The following KDM2B variants were observed in gnomAD, a reference collection of about 807,000 sequenced individuals.
The protein encoded by KDM2B is lysine-specific demethylase 2B.
A neutral mutation model predicts 150.0 loss-of-function variants in KDM2B; 26 were observed. The ratio of observed to expected loss-of-function variants is 0.17; its 90% CI spans 0.13 to 0.24. The LOEUF is 0.24. Ranked by LOEUF, KDM2B falls within the 10% of genes least tolerant of loss-of-function variation. The pLI is 1.00. For missense variants in KDM2B, 1,265 were observed against 1,816.9 expected (o/e 0.70, Z 5.52); for synonymous variants, 734 against 729.5 (o/e 1.01, Z -0.10).
intron 11 of KDM2B, among the ~76,000 whole-genome samples, chr12:121,501,993 G>A (rs1884610236): frequency 6.6e-6 from 1 of 152,124 alleles, no homozygotes; most frequent in Admixed American, 6.6e-5. Flanking sequence ...CTACATGTCA[G>A]TAAGACCCAG....
intron 12 of KDM2B, among the ~76,000 whole-genome samples, chr12:121,461,237 A>C (rs1879077468): frequency 6.6e-6 from 1 of 152,152 alleles, no homozygotes. Flanking sequence ...AGAGATGTGA[A>C]ACTGCGTGAC....
At chr12:121,580,007 A>G in intron 1 of KDM2B, 1 of 1,570,092 alleles carries the variant, frequency 6.4e-7, no homozygotes, top group Non-Finnish European at 8.5e-7. Context: ...AAAAAAAAAA[A>G]AAAGCTACAC....
At position 121,509,587 on chromosome 12, in the gene KDM2B, C is replaced by T. The variant is rs782775129; in HGVS notation, c.1627G>A (p.Ala543Thr). 24 of 1,613,506 alleles carry T rather than the reference C, an allele frequency of 1.5e-5. No individual in the cohort carries two copies. Among genetic ancestry groups the T allele is most frequent in the Non-Finnish European group, 2.0e-5 (24 of 1,179,978 alleles). Residue 543 changes from alanine to threonine, a missense_variant, in exon 11 of 23, where the codon GCA becomes ACA. By Grantham distance (58) the Ala-to-Thr change is moderately conservative (BLOSUM62 0). Transcript: ENST00000377071. ...CCCACCTTCACACCCTCCAGGAGTG[C>T]CTGGGGGTCCTCGATGCCCTCGGGG... ...CVPEGIEDPQ[A>T]LLEGVKNVLK...
intron 12 of KDM2B, among the ~76,000 whole-genome samples, chr12:121,463,765 G>T (rs1279497624): frequency 6.6e-6 from 1 of 152,132 alleles, no homozygotes; most frequent in Non-Finnish European, 1.5e-5. Context: ...CTTTTTTGTA[G>T]ATGGGATTTC....
chr12:121,499,756 T>C (rs1265039448), intron 11 of KDM2B, among the ~76,000 whole-genome samples: 3 of 151,842 alleles, frequency 2.0e-5, no homozygotes, highest in African/African-American at 7.3e-5. Flanking sequence ...AAGACAAGCC[T>C]GTCCAACATA....
chr12:121,532,926 A>G lies in KDM2B; in HGVS notation c.811T>C (p.Leu271=). The G allele has an allele frequency of 6.2e-7, 1 of 1,614,214 alleles. No individual in the cohort carries two copies. The highest frequency in any genetic ancestry group is 8.5e-7 in the Non-Finnish European group (1 of 1,180,038). ...AGCACCCACTCCTCGTACAGCGCCA[A>G]ATTGTGCAGCGTTGGAGGAATCAGC... ...FWLIPPTLHN[L]ALYEEWVLSG... is the part of the protein sequence containing the mutation. The change falls in exon 8 of 23, where the codon TTG becomes CTG. Residue 271 remains leucine, a synonymous_variant. Coordinates refer to ENST00000377071, the MANE Select transcript of KDM2B (RefSeq NM_032590.5).
rs1238731372 is a variant in KDM2B at position 121,520,110 on chromosome 12, C to T, written c.1047+875G>A. On this transcript the variant is annotated intron_variant, in intron 9 of 22. Coordinates refer to ENST00000377071, the MANE Select transcript of KDM2B (RefSeq NM_032590.5). This position sits in a 1 kb window ranked among gnomAD's most constrained non-coding sequence, Gnocchi z 4.5. ...TTCATCATGTTGGCCTGGCTGGTCT[C>T]GAACTCCTGACCTCAAGTGATCCAC... Among the ~76,000 whole-genome samples, 1 of 152,108 alleles carries T rather than the reference C, an allele frequency of 6.6e-6. No individual in the cohort carries two copies. The highest frequency in any genetic ancestry group is 2.4e-5 in the African/African-American group (1 of 41,434).
chr12:121,494,460 C>G, intron 12 of KDM2B, 119 bp downstream of exon 12: 1 of 663,786 alleles, frequency 1.5e-6, no homozygotes, highest in South Asian at 1.8e-5. Flanking sequence ...TTCATCTTAA[C>G]TGCGGTGCCT....
chr12:121,523,139 C>T (rs1168787236), intron 8 of KDM2B, among the ~76,000 whole-genome samples: 1 of 152,242 alleles, frequency 6.6e-6, no homozygotes, highest in African/African-American at 2.4e-5. Flanking sequence ...GGGGAAGCCA[C>T]TTGCTGAATG....
chr12:121,577,348 T>G (rs1354930413), intron 2 of KDM2B, among the ~76,000 whole-genome samples: 1 of 152,070 alleles, frequency 6.6e-6, no homozygotes, highest in Non-Finnish European at 1.5e-5. Context: ...GCACATAGGA[T>G]CCACCAAATG....
rs1287914250 is a variant in KDM2B at position 121,468,098 on chromosome 12, C to T, written c.1735-14754G>A. 1.3e-5 allele frequency: 2 copies of T among 152,318 alleles called. No individual in the cohort carries two copies. Among genetic ancestry groups the T allele is most frequent in the Admixed American group, 6.5e-5 (1 of 15,270 alleles). The allele number at this position is 152,318 out of a possible 1,614,324, so 9.4% of individuals were successfully genotyped here. A position where few individuals can be genotyped will look rare whatever the true frequency, so the allele number is the denominator to read the frequency against. ...TGACTCTACCCTGAGGTGGGCGCCC[C>T]CTCCCTTGGACAGGTACCGCCTTCT... On this transcript the variant is annotated intron_variant, in intron 12 of 22. Transcript: ENST00000377071. This position sits in a 1 kb window ranked among gnomAD's most constrained non-coding sequence, Gnocchi z 4.0.
chr12:121,538,788 G>A (rs905498056), intron 6 of KDM2B, among the ~76,000 whole-genome samples: 12 of 152,070 alleles, frequency 7.9e-5, no homozygotes, highest in Non-Finnish European at 1.5e-4. Context: ...GCCTATCAGA[G>A]GCAGTGCTCA....
At chr12:121,550,147 T>C (rs782040716) in intron 4 of KDM2B, among the ~76,000 whole-genome samples, 2 of 152,008 alleles carry the variant, frequency 1.3e-5, no homozygotes, top group South Asian at 2.1e-4. Context: ...CCGTTTCTAC[T>C]AAAAATACAA....
chr12:121,417,814 T>C, the KDM2B span: 1 of 1,614,134 alleles, frequency 6.2e-7, no homozygotes, highest in South Asian at 1.1e-5. This position sits in a 1 kb window ranked among gnomAD's most constrained non-coding sequence, Gnocchi z 5.0. Context: ...ACACGTTCGT[T>C]TTTTTCAAAC....
chr12:121,471,125 C>A (rs1880725968), intron 12 of KDM2B, among the ~76,000 whole-genome samples: 1 of 152,160 alleles, frequency 6.6e-6, no homozygotes, highest in Non-Finnish European at 1.5e-5. Flanking sequence ...ATTATGCCAG[C>A]CCTTGCCCAA....
chr12:121,465,253 G>A (rs1320222308), intron 12 of KDM2B, among the ~76,000 whole-genome samples: 7 of 152,226 alleles, frequency 4.6e-5, no homozygotes, highest in Admixed American at 1.3e-4. Flanking sequence ...TTGAGACAGA[G>A]TCTCACTCTC....
intron 11 of KDM2B, among the ~76,000 whole-genome samples, chr12:121,506,295 C>A (rs1361276866): frequency 2.6e-5 from 4 of 152,096 alleles, no homozygotes; most frequent in African/African-American, 9.7e-5. Context: ...CTGCAGCAGG[C>A]CTCAAAATCT....
At chr12:121,556,616 C>T (rs56391299) in intron 4 of KDM2B, among the ~76,000 whole-genome samples, 1 of 152,042 alleles carries the variant, frequency 6.6e-6, no homozygotes, top group African/African-American at 2.4e-5. Context: ...TTTGGGAGGC[C>T]GAGGCAAGTG....
At chr12:121,478,866 T>TTGTTTGTTTGTTTGTGTGTGTG (rs61509046) in intron 12 of KDM2B, among the ~76,000 whole-genome samples, 3 of 131,132 alleles carry the variant, frequency 2.3e-5, no homozygotes, top group Non-Finnish European at 3.2e-5. Flanking sequence ...TTTTGTTTGT[T>TTGTTTGTTTGTTTGTGTGTGTG]TGTGTGTGTG....
Sources: gnomAD v4.1 joint callset for allele counts (sites outside exome capture counted in the v4.1 genomes callset) on GRCh38, gnomAD v4.1.1 for gene constraint, Gnocchi (gnomAD v3.1) non-coding constraint, MANE v1.5 for transcripts, NCBI Gene and HGNC (gene_info 2026-07-23, HGNC 2026-07-21) for gene names.